The following MAF variants were observed in gnomAD, a reference collection of about 807,000 sequenced individuals.
MAF encodes the protein transcription factor Maf.
In MAF, 10 loss-of-function variants were observed where a neutral mutation model predicts 22.0. The observed-to-expected ratio is 0.45, with a 90% CI of 0.28 to 0.77. The LOEUF (loss-of-function observed/expected upper bound fraction) is 0.77, where lower values mean the gene tolerates loss of function less well. Among genes scored for constraint, MAF ranks in the 30% least tolerant of loss-of-function variants. The pLI is 0.12. For missense variants in MAF, 544 were observed against 548.4 expected (o/e 0.99, Z 0.08); for synonymous variants, 337 against 255.8 (o/e 1.32, Z -3.03).
chr16:79,467,665 C>A, the MAF span, among the ~76,000 whole-genome samples: 3 of 152,090 alleles, frequency 2.0e-5, no homozygotes, highest in African/African-American at 4.8e-5. Flanking sequence ...ATTCTCAGGG[C>A]CCACCCTGGA....
the MAF span, among the ~76,000 whole-genome samples, chr16:79,418,351 C>A: frequency 6.6e-6 from 1 of 152,096 alleles, no homozygotes; most frequent in Admixed American, 6.5e-5. Context: ...AAAAAAGAGC[C>A]CCTGTTCAGC....
chr16:79,418,830 C>T, the MAF span, among the ~76,000 whole-genome samples: 2 of 152,154 alleles, frequency 1.3e-5, no homozygotes, highest in African/African-American at 4.8e-5. Context: ...AGGCTCCTCA[C>T]CGCATGGTTG....
chr16:79,570,338 TC>T, the MAF span, among the ~76,000 whole-genome samples: 5 of 151,572 alleles, frequency 3.3e-5, no homozygotes, highest in African/African-American at 1.2e-4. Flanking sequence ...GCCTATCTTC[TC>T]CCCAGTCTTT....
the MAF span, among the ~76,000 whole-genome samples, chr16:79,271,229 T>G: frequency 6.6e-6 from 1 of 152,154 alleles, no homozygotes; most frequent in East Asian, 1.9e-4. Context: ...GCCACAGTTT[T>G]CAAGTGAGAA....
chr16:79,343,855 G>A, the MAF span, among the ~76,000 whole-genome samples: 1 of 152,146 alleles, frequency 6.6e-6, no homozygotes, highest in Non-Finnish European at 1.5e-5. Flanking sequence ...TGCACACTCT[G>A]TTTTTTCTTG....
chr16:79,418,301 G>T, the MAF span, among the ~76,000 whole-genome samples: 2 of 151,960 alleles, frequency 1.3e-5, no homozygotes, highest in African/African-American at 4.8e-5. Context: ...GACAGTTTTC[G>T]GGCTGGGGCC....
the MAF span, among the ~76,000 whole-genome samples, chr16:79,257,937 T>G: frequency 6.6e-6 from 1 of 152,204 alleles, no homozygotes; most frequent in East Asian, 1.9e-4. Flanking sequence ...TGCATTTTTG[T>G]TTTCCTTTCT....
At chr16:79,321,816 A>G in the MAF span, among the ~76,000 whole-genome samples, 1 of 151,854 alleles carries the variant, frequency 6.6e-6, no homozygotes, top group African/African-American at 2.4e-5. Flanking sequence ...ACACCTGGAT[A>G]AGTGCTGGGA....
chr16:79,564,829 C>T, the MAF span, among the ~76,000 whole-genome samples: 1 of 152,158 alleles, frequency 6.6e-6, no homozygotes, highest in African/African-American at 2.4e-5. Flanking sequence ...GGGATGGACG[C>T]CTGACAATTG....
chr16:79,534,578 G>T, the MAF span, among the ~76,000 whole-genome samples: 1 of 151,684 alleles, frequency 6.6e-6, no homozygotes, highest in Non-Finnish European at 1.5e-5. Flanking sequence ...CACACACCGG[G>T]GCCTGTCATG....
chr16:79,372,271 A>G, the MAF span, among the ~76,000 whole-genome samples: 1 of 152,086 alleles, frequency 6.6e-6, no homozygotes, highest in Non-Finnish European at 1.5e-5. Context: ...ACTTGCTCAG[A>G]GCAAACAAGC....
chr16:79,556,679 A>G, the MAF span, among the ~76,000 whole-genome samples: 1 of 152,212 alleles, frequency 6.6e-6, no homozygotes, highest in Non-Finnish European at 1.5e-5. Context: ...TTCATCTTAA[A>G]TCAAACACAA....
the MAF span, among the ~76,000 whole-genome samples, chr16:79,467,955 G>A: frequency 0.027 from 4,063 of 152,028 alleles, 191 homozygotes; most frequent in African/African-American, 0.094. Context: ...GGTGGTTGTG[G>A]CTTGACCATG....
chr16:79,586,587 G>T (rs1479758786), intron 1 of MAF, among the ~76,000 whole-genome samples: 1 of 152,196 alleles, frequency 6.6e-6, no homozygotes, highest in Non-Finnish European at 1.5e-5. Context: ...TTGCTTTAAA[G>T]AAAATCTTTT....
chr16:79,369,821 T>G, the MAF span, among the ~76,000 whole-genome samples: 1 of 152,184 alleles, frequency 6.6e-6, no homozygotes, highest in Non-Finnish European at 1.5e-5. Context: ...TCGTGAAAAC[T>G]TTGGACAAGA....
At chr16:79,404,347 A>G in the MAF span, among the ~76,000 whole-genome samples, 1 of 152,152 alleles carries the variant, frequency 6.6e-6, no homozygotes, top group East Asian at 1.9e-4. Context: ...TATTTTTAGT[A>G]GAGACTGGGT....
At chr16:79,309,292 G>C in the MAF span, among the ~76,000 whole-genome samples, 1 of 152,156 alleles carries the variant, frequency 6.6e-6, no homozygotes, top group Non-Finnish European at 1.5e-5. Flanking sequence ...CAAGCGCCTT[G>C]TTATATAATT....
At chr16:79,404,809 G>T in the MAF span, among the ~76,000 whole-genome samples, 2 of 152,100 alleles carry the variant, frequency 1.3e-5, no homozygotes, top group Non-Finnish European at 2.9e-5. Context: ...CGCCACTGAG[G>T]GGTGGCAGCT....
the MAF span, among the ~76,000 whole-genome samples, chr16:79,576,619 A>G: frequency 6.6e-6 from 1 of 152,168 alleles, no homozygotes; most frequent in Admixed American, 6.5e-5. Context: ...CCAATCTTGA[A>G]AAACTTAAAG....
Sources: allele counts gnomAD v4.1 joint callset (sites outside exome capture counted in the v4.1 genomes callset), GRCh38; gene constraint gnomAD v4.1.1; transcripts MANE v1.5; gene names NCBI Gene and HGNC (gene_info 2026-07-23, HGNC 2026-07-21).